The following FAM178B variants were observed in gnomAD, a reference collection of about 807,000 sequenced individuals.
FAM178B encodes protein FAM178B.
FAM178B carries 82 observed loss-of-function variants against 91.7 expected under a neutral mutation model. That is an observed-to-expected ratio of 0.89 (90% confidence interval 0.75 to 1.07). The LOEUF (loss-of-function observed/expected upper bound fraction) is 1.07, where lower values mean the gene tolerates loss of function less well. Among genes scored for constraint, FAM178B ranks in the 50% least tolerant of loss-of-function variants. FAM178B has a pLI of 0.00. For missense variants in FAM178B, 769 were observed against 846.7 expected (o/e 0.91, Z 1.14); for synonymous variants, 368 against 359.4 (o/e 1.02, Z -0.27).
chr2:96,931,840 A>G (rs11676858), intron 8 of FAM178B, among the ~76,000 whole-genome samples: 70,885 of 150,864 alleles, frequency 0.47, 20,266 homozygotes, highest in Non-Finnish European at 0.65. Flanking sequence ...AGGAGGAAAA[A>G]CTTTCTTGTT....
chr2:96,967,694 G>A, intron 4 of FAM178B, 67 bp from the exon 5 acceptor site: 1 of 1,143,394 alleles, frequency 8.7e-7, no homozygotes, highest in Non-Finnish European at 1.3e-6. Flanking sequence ...CTGTCACTGG[G>A]CTGCAGGTGT....
intron 10 of FAM178B, among the ~76,000 whole-genome samples, chr2:96,922,161 C>T (rs146436236): frequency 1.1e-4 from 16 of 152,242 alleles, no homozygotes; most frequent in African/African-American, 2.9e-4. Flanking sequence ...TTACACATGC[C>T]GTGGCAATGT....
chr2:96,929,150 C>A (rs2153371588), intron 9 of FAM178B, 56 bp downstream of exon 9: 2 of 1,239,310 alleles, frequency 1.6e-6, no homozygotes, highest in African/African-American at 1.5e-5. Context: ...CAGAGAGAGA[C>A]CCTGTCTCTT....
chr2:96,972,286 T>C lies in FAM178B; in HGVS notation c.179A>G (p.Tyr60Cys). 1 of 1,484,190 alleles carries C rather than the reference T, an allele frequency of 6.7e-7. No individual in the cohort carries two copies. Among genetic ancestry groups the C allele is most frequent in the Non-Finnish European group, 9.0e-7 (1 of 1,115,932 alleles). 91.9% of individuals were successfully genotyped at this position (1,484,190 alleles called of 1,614,324 possible). The stretch of plus-strand genomic sequence containing the variant: ...GTCTGACAAGCCATCCTCCAGGTTG[T>C]ACAGGAGGATGGGCACGGTGGCGGC... ...QAAATVPILL[Y>C]NLEDGLSDHP... is the part of the protein sequence containing the mutation. The change falls in exon 3 of 17, where the codon TAC (tyrosine) becomes TGC (cysteine). Residue 60 changes from tyrosine to cysteine, a missense_variant. Physicochemically the swap from Tyr to Cys is radical, Grantham distance 194 (BLOSUM62 -2). Transcript: ENST00000490605.
At chr2:96,877,365 T>A (rs528214238) in intron 16 of FAM178B, among the ~76,000 whole-genome samples, 1 of 152,008 alleles carries the variant, frequency 6.6e-6, no homozygotes, top group Admixed American at 6.5e-5. Context: ...TGCGCTTCTC[T>A]GTGTCCCCTT....
intron 4 of FAM178B, among the ~76,000 whole-genome samples, chr2:96,967,849 G>T (rs548653384): frequency 1.3e-5 from 2 of 149,982 alleles, no homozygotes; most frequent in South Asian, 4.2e-4. Flanking sequence ...GAGCAAGCAG[G>T]CCAGAAGATG....
In FAM178B at chr2:96,877,996, G is replaced by T; in HGVS notation, c.1901C>A (p.Thr634Lys). ...GGCCTGGGGGCTCTCCCGGATCTGC[G>T]TGCTGATGTGGCGGTCCAACTGCAT... The part of the protein sequence containing the change: ...LCMQLDRHIS[T>K]QIRESPQAMH... The change falls in exon 16 of 17, where the codon ACG becomes AAG. Residue 634 changes from threonine to lysine, a missense_variant. Coordinates refer to ENST00000490605, the MANE Select transcript of FAM178B (RefSeq NM_001122646.3). 6.2e-7 allele frequency: 1 copy of T among 1,612,966 alleles called. No individual in the cohort carries two copies. The highest frequency in any genetic ancestry group is 8.5e-7 in the Non-Finnish European group (1 of 1,180,006).
chr2:96,968,787 A>G (rs1026015715), intron 4 of FAM178B, among the ~76,000 whole-genome samples: 2 of 152,126 alleles, frequency 1.3e-5, no homozygotes, highest in African/African-American at 4.8e-5. Flanking sequence ...TAAACAAGAG[A>G]AAACATATCT....
Position 96,986,214 on chromosome 2 carries a change from G to A in FAM178B, c.73+27C>T, listed in dbSNP as rs182470784. 9.7e-5 allele frequency: 149 copies of A among 1,534,334 alleles called. 1 individual carries two copies. The African/African-American group carries it at 1.9e-3, about 20-fold the overall frequency. ...CTCTGAGCGCTAACCACGCGCCCCTGCGGTTCCTCGGCCTCAGTTTCCTTA... is the reference window on the plus strand; with the variant it reads ...CTCTGAGCGCTAACCACGCGCCCCTACGGTTCCTCGGCCTCAGTTTCCTTA... On this transcript the variant is annotated intron_variant, in intron 1 of 16. Coordinates refer to ENST00000490605, the MANE Select transcript of FAM178B (RefSeq NM_001122646.3).
chr2:96,918,814 G>A (rs1276132794), intron 12 of FAM178B, among the ~76,000 whole-genome samples: 2 of 152,156 alleles, frequency 1.3e-5, no homozygotes, highest in African/African-American at 4.8e-5. Flanking sequence ...GGTAGTTACA[G>A]ACTGACCCCT....
At chr2:96,964,564 C>T (rs1363025887) in intron 5 of FAM178B, among the ~76,000 whole-genome samples, 1 of 152,144 alleles carries the variant, frequency 6.6e-6, no homozygotes, top group African/African-American at 2.4e-5. Context: ...TTCAAGTTTC[C>T]CCTCCAGCCT....
At chr2:96,925,438 C>T (rs1186922574) in intron 9 of FAM178B, among the ~76,000 whole-genome samples, 2 of 152,196 alleles carry the variant, frequency 1.3e-5, no homozygotes, top group South Asian at 2.1e-4. Flanking sequence ...CTCTAATCCT[C>T]GCTTTTCAGA....
At chr2:96,981,750 A>AAG (rs2082365094) in intron 1 of FAM178B, among the ~76,000 whole-genome samples, 1 of 136,146 alleles carries the variant, frequency 7.3e-6, no homozygotes. Flanking sequence ...CAAAAAAAAA[A>AAG]AAAAAAAAAA....
intron 13 of FAM178B, chr2:96,894,992 A>G: frequency 8.0e-7 from 1 of 1,245,730 alleles, no homozygotes; most frequent in Non-Finnish European, 1.0e-6. Context: ...TTTTGGTTTA[A>G]CTCTTCTCTG....
chr2:96,960,591 T>C (rs953581394), intron 5 of FAM178B, among the ~76,000 whole-genome samples, 151 bp from the exon 6 acceptor site: 2 of 152,162 alleles, frequency 1.3e-5, no homozygotes, highest in African/African-American at 4.8e-5. Flanking sequence ...CACCTGCTGA[T>C]GGAGGAAGAG....
Position 96,876,249 on chromosome 2 carries a change from G to A in FAM178B, c.*27C>T. 6.2e-7 allele frequency: 1 copy of A among 1,604,508 alleles called. No individual in the cohort carries two copies. Among genetic ancestry groups the A allele is most frequent in the Non-Finnish European group, 8.5e-7 (1 of 1,175,890 alleles). On this transcript the variant is annotated 3_prime_UTR_variant, in exon 17 of 17. Coordinates refer to ENST00000490605, the MANE Select transcript of FAM178B (RefSeq NM_001122646.3). ...TGTTCACTTCCTGCTGAAGCCAGGA[G>A]CCCTGGGCTGCCCTGACCCTGTCCC...
chr2:96,923,088 C>A (rs2081370898), intron 10 of FAM178B, among the ~76,000 whole-genome samples: 2 of 152,324 alleles, frequency 1.3e-5, no homozygotes, highest in South Asian at 4.1e-4. Context: ...CCTGTCTCAG[C>A]CTCCTGAGCA....
Position 96,972,166 on chromosome 2 carries a change from T to G in FAM178B, c.299A>C (p.Gln100Pro), listed in dbSNP as rs573710266. 475 of 1,545,786 alleles carry G rather than the reference T, an allele frequency of 3.1e-4. 5 individuals are homozygous for G. The South Asian group carries it at 5.4e-3, about 18-fold the overall frequency. Residue 100 changes from glutamine to proline, a missense_variant, in exon 3 of 17, where the codon CAG becomes CCG. By Grantham distance (76) the Gln-to-Pro change is moderately conservative. Coordinates refer to ENST00000490605, the MANE Select transcript of FAM178B (RefSeq NM_001122646.3). ...APTSPKKPKI[Q>P]APGETFPTDW... Reference sequence around the variant, plus strand: ...AGTGGGAAACGTTTCCCCAGGTGCCTGTATCTTGGGCTTCTTTGGCGATGT... The same window carrying G: ...AGTGGGAAACGTTTCCCCAGGTGCCGGTATCTTGGGCTTCTTTGGCGATGT...
chr2:96,902,745 G>C (rs2080958388), intron 12 of FAM178B, 38 bp from the exon 13 acceptor site: 1 of 1,487,918 alleles, frequency 6.7e-7, no homozygotes, highest in African/African-American at 1.4e-5. Flanking sequence ...GGGTGTGCTG[G>C]AAGTCGGGGA....
Sources: allele counts gnomAD v4.1 joint callset (sites outside exome capture counted in the v4.1 genomes callset), GRCh38; gene constraint gnomAD v4.1.1; transcripts MANE v1.5; gene names NCBI Gene and HGNC (gene_info 2026-07-23, HGNC 2026-07-21).